Variants in APP observed in about 807,000 individuals in gnomAD.
The protein encoded by APP is amyloid beta precursor protein.
Under a neutral mutation model 101.4 loss-of-function variants are expected in APP, and 31 were observed. The observed-to-expected ratio is 0.31, with a 90% CI of 0.23 to 0.41. The LOEUF is 0.41. APP is among the 10% of genes least tolerant of loss of function. The pLI, the probability that APP is intolerant of heterozygous loss-of-function variation, is 1.00. For missense variants in APP, 839 were observed against 1,003.7 expected (o/e 0.84, Z 2.22); for synonymous variants, 366 against 364.4 (o/e 1.00, Z -0.05).
chr21:26,067,125 GTA>G (rs1319206558), intron 3 of APP, among the ~76,000 whole-genome samples: 2 of 152,036 alleles, frequency 1.3e-5, no homozygotes, highest in East Asian at 3.8e-4. Context: ...AAAATTTCCT[GTA>G]GCCACATTAA....
intron 3 of APP, among the ~76,000 whole-genome samples, chr21:26,082,429 T>A (rs1170817917): frequency 1.3e-5 from 2 of 152,128 alleles, no homozygotes; most frequent in African/African-American, 2.4e-5. Context: ...AAAAGTACTA[T>A]GTGTATACAT....
At chr21:26,164,539 G>A (rs1027071318) in intron 1 of APP, among the ~76,000 whole-genome samples, 1 of 152,200 alleles carries the variant, frequency 6.6e-6, no homozygotes, top group African/African-American at 2.4e-5. Flanking sequence ...AATCAAGCCA[G>A]TGTATAAACT....
chr21:25,988,100 T>C (rs1453148600), intron 8 of APP, among the ~76,000 whole-genome samples: 1 of 152,004 alleles, frequency 6.6e-6, no homozygotes, highest in East Asian at 1.9e-4. Context: ...GGAGGTGACA[T>C]TCAGATCTTC....
rs965070003 is a variant in APP at position 26,170,615 on chromosome 21, C to G, written c.6G>C (p.Leu2=). The G allele has an allele frequency of 6.5e-7, 1 of 1,536,518 alleles. No homozygotes were observed. The highest frequency in any genetic ancestry group is 8.7e-7 in the Non-Finnish European group (1 of 1,145,704). ...CCAGCAGGAGCAGTGCCAAACCGGG[C>G]AGCATCGCGACCCTGCGCGGGGCAC... M[L]PGLALLLLAA... The change falls in exon 1 of 18, where the codon CTG becomes CTC. Residue 2 remains leucine (L), a synonymous_variant. Coordinates refer to ENST00000346798, the MANE Select transcript of APP (RefSeq NM_000484.4).
chr21:26,036,337 C>T (rs1478717809), intron 5 of APP, among the ~76,000 whole-genome samples: 1 of 152,026 alleles, frequency 6.6e-6, no homozygotes, highest in Non-Finnish European at 1.5e-5. Flanking sequence ...GTAGGAAAGA[C>T]AGGCTGGAAA....
intron 1 of APP, among the ~76,000 whole-genome samples, chr21:26,114,140 C>A (rs1018880242): frequency 6.6e-6 from 1 of 152,184 alleles, no homozygotes; most frequent in Non-Finnish European, 1.5e-5. Context: ...AAACAGTCTC[C>A]TCCTCTGCCT....
At chr21:26,113,862 A>G (rs2062379409) in intron 1 of APP, among the ~76,000 whole-genome samples, 1 of 152,264 alleles carries the variant, frequency 6.6e-6, no homozygotes, top group Non-Finnish European at 1.5e-5. Flanking sequence ...TGAAATAAGT[A>G]GTATAGATAA....
At chr21:25,885,138 A>T (rs572107693) in intron 17 of APP, among the ~76,000 whole-genome samples, 3 of 152,360 alleles carry the variant, frequency 2.0e-5, no homozygotes, top group Non-Finnish European at 4.4e-5. Context: ...GATTATCTTG[A>T]CAAAAGGGCA....
chr21:25,904,513 T>C (rs987117266), intron 15 of APP, among the ~76,000 whole-genome samples: 2 of 152,248 alleles, frequency 1.3e-5, no homozygotes, highest in Non-Finnish European at 2.9e-5. Flanking sequence ...TTTTGGGCTC[T>C]GGAAAGAAAC....
rs440666 is a variant in APP at position 25,955,861 on chromosome 21, T to C, written c.1459-106A>G. 1,112,522 of 1,522,872 alleles carry C rather than the reference T, an allele frequency of 0.73. 407,666 individuals are homozygous for C. Among genetic ancestry groups the C allele is most frequent in the South Asian group, 0.76 (67,537 of 88,608 alleles). The allele number at this position is 1,522,872 out of a possible 1,614,324, so 94.3% of individuals were successfully genotyped here. The stretch of plus-strand genomic sequence containing the variant: ...ACTAATGCATCCGGTCATGTGAACG[T>C]ACTGTGAGTCACCTTTTTGCAGGTC... On this transcript the variant is annotated intron_variant, in intron 11 of 17. Coordinates refer to ENST00000346798, the MANE Select transcript of APP (RefSeq NM_000484.4).
chr21:26,125,679 T>C (rs1225529225), intron 1 of APP, among the ~76,000 whole-genome samples: 1 of 149,438 alleles, frequency 6.7e-6, no homozygotes, highest in Non-Finnish European at 1.5e-5. Flanking sequence ...CTGACGGGGG[T>C]GGGGGAGAAA....
chr21:26,152,681 A>C (rs529718106), intron 1 of APP, among the ~76,000 whole-genome samples: 1 of 152,334 alleles, frequency 6.6e-6, no homozygotes, highest in Admixed American at 6.5e-5. Context: ...AATTTTACAA[A>C]AATTATTCTC....
chr21:26,025,784 T>C (rs2044544175), intron 5 of APP, among the ~76,000 whole-genome samples: 1 of 152,266 alleles, frequency 6.6e-6, no homozygotes, highest in Admixed American at 6.5e-5. Flanking sequence ...ATTAAATTAC[T>C]TGGCCTAAGA....
At chr21:25,929,555 T>C (rs187985937) in intron 13 of APP, among the ~76,000 whole-genome samples, 1 of 152,200 alleles carries the variant, frequency 6.6e-6, no homozygotes, top group African/African-American at 2.4e-5. Flanking sequence ...AGAGGAATCA[T>C]GAGGAAGAAT....
At chr21:25,961,194 C>G (rs2041564994) in intron 11 of APP, among the ~76,000 whole-genome samples, 1 of 152,164 alleles carries the variant, frequency 6.6e-6, no homozygotes, top group Non-Finnish European at 1.5e-5. Flanking sequence ...AGGCCCCTCC[C>G]CACTTCGAGT....
chr21:26,050,620 A>G (rs2045797886), intron 5 of APP, among the ~76,000 whole-genome samples: 1 of 152,168 alleles, frequency 6.6e-6, no homozygotes, highest in Non-Finnish European at 1.5e-5. Context: ...CAAACCTTTA[A>G]CGAAAATTCA....
chr21:26,117,415 G>T (rs927821418), intron 1 of APP, among the ~76,000 whole-genome samples: 2 of 152,172 alleles, frequency 1.3e-5, no homozygotes, highest in South Asian at 4.1e-4. Flanking sequence ...TCTTTTAAAT[G>T]CCAAAAAAGT....
At chr21:25,888,330 A>G (rs950485697) in intron 17 of APP, among the ~76,000 whole-genome samples, 2 of 152,168 alleles carry the variant, frequency 1.3e-5, no homozygotes, top group African/African-American at 4.8e-5. Context: ...CTGAAAGCCC[A>G]CCGTGCTCTC....
At chr21:26,056,503 A>C (rs1349003212) in intron 3 of APP, among the ~76,000 whole-genome samples, 1 of 152,212 alleles carries the variant, frequency 6.6e-6, no homozygotes, top group Non-Finnish European at 1.5e-5. Context: ...ACTTGTGTTT[A>C]GGACAGAGGT....
Sources: gnomAD v4.1 joint callset for allele counts (sites outside exome capture counted in the v4.1 genomes callset) on GRCh38, gnomAD v4.1.1 for gene constraint, MANE v1.5 for transcripts, NCBI Gene and HGNC (gene_info 2026-07-23, HGNC 2026-07-21) for gene names.